The following DNTTIP2 variants were observed in gnomAD, a reference collection of about 807,000 sequenced individuals.
The protein encoded by DNTTIP2 is deoxynucleotidyltransferase terminal interacting protein 2.
A neutral mutation model predicts 62.4 loss-of-function variants in DNTTIP2; 47 were observed. The ratio of observed to expected loss-of-function variants is 0.75; its 90% CI spans 0.60 to 0.96. The LOEUF (loss-of-function observed/expected upper bound fraction) is 0.96. Among genes scored for constraint, DNTTIP2 ranks in the 40% least tolerant of loss-of-function variants. The pLI, the probability that DNTTIP2 is intolerant of heterozygous loss-of-function variation, is 0.00. For synonymous variants in DNTTIP2, 322 were observed against 300.9 expected (o/e 1.07, Z -0.73); for missense variants, 870 against 849.1 (o/e 1.02, Z -0.31).
In DNTTIP2 at chr1:93,876,986, T is replaced by G. The variant is rs763084679; in HGVS notation, c.949A>C (p.Ser317Arg). ...TCAGAAAGATTCTTCAGCTGAGAAC[T>G]TTTCTCATTAATTTCTTTCCCCTCA... Reference protein sequence around the residue: ...TDEGKEINEKSSQLKNLSELQ... With the variant: ...TDEGKEINEKRSQLKNLSELQ... The change falls in exon 2 of 7, where the codon AGT becomes CGT. Residue 317 changes from serine to arginine, a missense_variant. Transcript: ENST00000436063. 6.2e-7 allele frequency: 1 copy of G among 1,612,932 alleles called. No individual in the cohort carries two copies.
Position 93,879,169 on chromosome 1 carries a change from C to A in DNTTIP2, c.-21G>T. On this transcript the variant is annotated 5_prime_UTR_variant, in exon 1 of 7. Coordinates refer to ENST00000436063, the MANE Select transcript of DNTTIP2 (RefSeq NM_014597.5). ...ACCATCTTTCCGGCTCCCTCGCGAC[C>A]ACCACGACTTCCCTCTTCCCTGGCG... 6.2e-7 allele frequency: 1 copy of A among 1,610,774 alleles called. No homozygotes were observed. Among genetic ancestry groups the A allele is most frequent in the Non-Finnish European group, 8.5e-7 (1 of 1,179,174 alleles).
chr1:93,872,408 A>G (rs1184487199), intron 4 of DNTTIP2, among the ~76,000 whole-genome samples, 172 bp from the exon 5 acceptor site: 2 of 152,234 alleles, frequency 1.3e-5, no homozygotes, highest in Non-Finnish European at 2.9e-5. Flanking sequence ...AATCACAAAA[A>G]GTGACTTCTC....
At position 93,867,443 on chromosome 1, in the gene DNTTIP2, G is replaced by C. The variant is rs901133127; in HGVS notation, c.*2408C>G. 2.6e-5 allele frequency: 4 copies of C among 151,876 alleles called. No individual in the cohort carries two copies. Among genetic ancestry groups the C allele is most frequent in the Non-Finnish European group, 5.9e-5 (4 of 67,998 alleles). 9.4% of individuals were successfully genotyped at this position (151,876 alleles called of 1,614,324 possible). On this transcript the variant is annotated 3_prime_UTR_variant, in exon 7 of 7. Coordinates refer to ENST00000436063, the MANE Select transcript of DNTTIP2 (RefSeq NM_014597.5). ...CTACTAAAAATACAAAAGTTAGCTG[G>C]GCATAATGGCATGCCCAGTAGTCCC... is the stretch of plus-strand genomic sequence containing the variant.
At chr1:93,873,040 A>T in intron 4 of DNTTIP2, 79 bp downstream of exon 4, 1 of 965,624 alleles carries the variant, frequency 1.0e-6, no homozygotes. Context: ...GATACAGTTT[A>T]ATTGTGCAGT....
intron 5 of DNTTIP2, 194 bp from the exon 6 acceptor site, chr1:93,870,986 T>C: frequency 2.8e-6 from 1 of 359,124 alleles, no homozygotes; most frequent in Non-Finnish European, 5.0e-6. Context: ...GTTTCTTCAG[T>C]AGTTTATAGT....
In DNTTIP2 at chr1:93,873,190, G is replaced by C; in HGVS notation, c.1831C>G (p.Pro611Ala). The change falls in exon 4 of 7, where the codon CCT (proline) becomes GCT (alanine). Residue 611 changes from proline to alanine, a missense_variant. Transcript: ENST00000436063. ...ACACAGTGGTTTTTTTCAAAATCAG[G>C]TGTAATGACGGCTTTCTGCAGAAGC... ...NELLQKAVIT[P>A]DFEKNHCVPP... 1 of 1,611,922 alleles carries C rather than the reference G, an allele frequency of 6.2e-7. No individual in the cohort carries two copies. The highest frequency in any genetic ancestry group is 8.5e-7 in the Non-Finnish European group (1 of 1,178,790).
In DNTTIP2 at chr1:93,876,581, G is replaced by A; in HGVS notation, c.1354C>T (p.Gln452Ter). The A allele has an allele frequency of 3.7e-6, 6 of 1,613,944 alleles. No homozygotes were observed. The highest frequency in any genetic ancestry group is 5.1e-6 in the Non-Finnish European group (6 of 1,179,876). ...TCTTCATTCTCACTGTTTTCAGACT[G>A]TTGGCTTTCATCACTGCTGAGAACT... is the stretch of plus-strand genomic sequence containing the variant. The part of the protein sequence containing the change: ...LLVLSSDESQ[Q>*]SENSENEEDT... Residue 452 changes from glutamine (Q) to a stop codon, truncating the protein, a stop_gained, in exon 2 of 7, where the codon CAG becomes TAG. Transcript: ENST00000436063. LOFTEE classifies it high-confidence loss of function.
rs183792726 is a variant in DNTTIP2, at chr1:93,866,532, C to T, written c.*3319G>A. On this transcript the variant is annotated 3_prime_UTR_variant, in exon 7 of 7. Transcript: ENST00000436063. ...CTGGTACATCTCTCAGAAATGTTAA[C>T]TTTTTTTTCCCATTATGGTATTTTC... 10 of 152,154 alleles carry T rather than the reference C, an allele frequency of 6.6e-5. No homozygotes were observed. The highest frequency in any genetic ancestry group is 2.2e-4 in the African/African-American group (9 of 41,516). The allele number at this position is 152,154 out of a possible 1,614,324, so 9.4% of individuals were successfully genotyped here.
intron 1 of DNTTIP2, 114 bp downstream of exon 1, chr1:93,878,962 GC>G: frequency 2.2e-6 from 3 of 1,376,616 alleles, no homozygotes; most frequent in Non-Finnish European, 2.9e-6. Flanking sequence ...CGCGCGGCAA[GC>G]TCGGGTCCTC....
Position 93,877,793 on chromosome 1 carries a change from C to T in DNTTIP2, c.142G>A (p.Glu48Lys), listed in dbSNP as rs1417698236. 4 of 1,609,842 alleles carry T rather than the reference C, an allele frequency of 2.5e-6. No individual in the cohort carries two copies. The highest frequency in any genetic ancestry group is 3.4e-6 in the Non-Finnish European group (4 of 1,179,864). The change falls in exon 2 of 7, where the codon GAA (glutamate) becomes AAA (lysine). Residue 48 changes from glutamate (E) to lysine (K), a missense_variant. By Grantham distance (56) the Glu-to-Lys change is moderately conservative. Coordinates refer to ENST00000436063, the MANE Select transcript of DNTTIP2 (RefSeq NM_014597.5). ...STGSDARTTA[E>K]SQTTGKQSLI... The stretch of plus-strand genomic sequence containing the variant: ...CTTTGCTTCCCAGTGGTCTGTGATT[C>T]AGCAGTAGTTCGGGCATCAGATCCA...
rs1477968862 is a variant in DNTTIP2, at chr1:93,869,920, C to T, written c.2202G>A (p.Glu734=). Residue 734 remains glutamate (E), a synonymous_variant, in exon 7 of 7, where the codon GAG becomes GAA. Transcript: ENST00000436063. ...FRRYNRRKYS[E]IMAEKAANAA... is the part of the protein sequence containing the mutation. The stretch of plus-strand genomic sequence containing the variant: ...CATTTGCTGCTTTTTCAGCCATGAT[C>T]TCTGAGTACTTCCTTCGGTTGTATC... The T allele has an allele frequency of 1.3e-6, 1 of 779,904 alleles. No homozygotes were observed. The highest frequency in any genetic ancestry group is 1.7e-5 in the African/African-American group (1 of 59,104). The allele number at this position is 779,904 out of a possible 1,614,324, so 48.3% of individuals were successfully genotyped here.
rs1655837126 is a variant in DNTTIP2, at chr1:93,870,800, C to A, written c.2068-8G>T. 2.7e-6 allele frequency: 4 copies of A among 1,484,262 alleles called. No homozygotes were observed. Among genetic ancestry groups the A allele is most frequent in the Admixed American group, 2.1e-5 (1 of 48,514 alleles). 91.9% of individuals were successfully genotyped at this position (1,484,262 alleles called of 1,614,324 possible). On this transcript the variant is annotated splice_region_variant and splice_polypyrimidine_tract_variant and intron_variant, in intron 5 of 6. Transcript: ENST00000436063. The stretch of plus-strand genomic sequence containing the variant: ...GTCAACAATGGTTCCAATCTGTGAA[C>A]AATTGATTGAAATAAGTCATGCATT...
In DNTTIP2 at chr1:93,879,184, C is replaced by T. The variant is rs373639620; in HGVS notation, c.-36G>A. The T allele has an allele frequency of 2.5e-6, 4 of 1,605,754 alleles. No homozygotes were observed. Among genetic ancestry groups the T allele is most frequent in the African/African-American group, 1.3e-5 (1 of 74,624 alleles). On this transcript the variant is annotated 5_prime_UTR_variant, in exon 1 of 7. Coordinates refer to ENST00000436063, the MANE Select transcript of DNTTIP2 (RefSeq NM_014597.5). ...CCCTCGCGACCACCACGACTTCCCTCTTCCCTGGCGCTCCGGAAATGCGTC... is the reference window on the plus strand; with the variant it reads ...CCCTCGCGACCACCACGACTTCCCTTTTCCCTGGCGCTCCGGAAATGCGTC...
In DNTTIP2 at chr1:93,876,962, CAGAA is replaced by C. The variant is rs1258168519; in HGVS notation, c.969_972del (p.Ser324AsnfsTer10). ...TGTTGAAGGCTAGTGTCCTGAAGTT[CAGAA>C]AGATTCTTCAGCTGAGAACTTTTCT... is the stretch of plus-strand genomic sequence containing the variant. On this transcript the variant is annotated frameshift_variant, in exon 2 of 7. Coordinates refer to ENST00000436063, the MANE Select transcript of DNTTIP2 (RefSeq NM_014597.5). LOFTEE classifies it high-confidence loss of function. The C allele has an allele frequency of 2.5e-6, 4 of 1,612,878 alleles. No homozygotes were observed. Among genetic ancestry groups the C allele is most frequent in the Non-Finnish European group, 3.4e-6 (4 of 1,179,686 alleles).
intron 2 of DNTTIP2, 127 bp from the exon 3 acceptor site, chr1:93,875,910 T>C (rs1450874257): frequency 5.3e-6 from 5 of 952,292 alleles, no homozygotes; most frequent in Non-Finnish European, 7.6e-6. Context: ...AAAAAAAGCA[T>C]CTTATTTTTA....
At position 93,876,539 on chromosome 1, in the gene DNTTIP2, CA is replaced by C. The variant is rs766860342; in HGVS notation, c.1395del (p.Phe465LeufsTer11). The C allele has an allele frequency of 6.2e-7, 1 of 1,614,012 alleles. No individual in the cohort carries two copies. Among genetic ancestry groups the C allele is most frequent in the Non-Finnish European group, 8.5e-7 (1 of 1,179,894 alleles). Reference protein sequence around the residue: ...NSENEEDTLCFVENSGQRESL... With the variant: ...NSENEEDTLCXVENSGQRESL... ...GACTCCCTTTGGCCACTATTTTCAA[CA>C]AAACATAAAGTATCCTCTTCATTCT... On this transcript the variant is annotated frameshift_variant, in exon 2 of 7. Coordinates refer to ENST00000436063, the MANE Select transcript of DNTTIP2 (RefSeq NM_014597.5). LOFTEE classifies it high-confidence loss of function.
rs954849853 is a variant in DNTTIP2 at position 93,868,707 on chromosome 1, T to C, written c.*1144A>G. 6.6e-6 allele frequency: 1 copy of C among 152,202 alleles called. No individual in the cohort carries two copies. Among genetic ancestry groups the C allele is most frequent in the Non-Finnish European group, 1.5e-5 (1 of 68,038 alleles). 9.4% of individuals were successfully genotyped at this position (152,202 alleles called of 1,614,324 possible). On this transcript the variant is annotated 3_prime_UTR_variant, in exon 7 of 7. Coordinates refer to ENST00000436063, the MANE Select transcript of DNTTIP2 (RefSeq NM_014597.5). ...TTCATGTCCTTTGCAGGGACATGGC[T>C]GAAGCTGGAAATCATCTCAGCAAGA...
intron 3 of DNTTIP2, among the ~76,000 whole-genome samples, chr1:93,874,306 G>A (rs79248453): frequency 0.019 from 2,855 of 152,116 alleles, 39 homozygotes; most frequent in Non-Finnish European, 0.019. Flanking sequence ...TACTATGCAC[G>A]GAACATCTCA....
At position 93,866,286 on chromosome 1, in the gene DNTTIP2, A is replaced by G. The variant is rs778417680; in HGVS notation, c.*3565T>C. ...CAAAAACTATGTGACAATGAGAATA[A>G]TTGCACTTTACATTTTAATTAGACA... is the stretch of plus-strand genomic sequence containing the variant. On this transcript the variant is annotated 3_prime_UTR_variant, in exon 7 of 7. Transcript: ENST00000436063. The G allele has an allele frequency of 2.0e-5, 3 of 152,212 alleles. No homozygotes were observed. Among genetic ancestry groups the G allele is most frequent in the Admixed American group, 6.5e-5 (1 of 15,286 alleles). The allele number at this position is 152,212 out of a possible 1,614,324, so 9.4% of individuals were successfully genotyped here.
Sources: allele counts gnomAD v4.1 joint callset (sites outside exome capture counted in the v4.1 genomes callset), GRCh38; gene constraint gnomAD v4.1.1; transcripts MANE v1.5; gene names NCBI Gene and HGNC (gene_info 2026-07-23, HGNC 2026-07-21).